Variants in CCNY observed in about 807,000 individuals in gnomAD.
The protein encoded by CCNY is cyclin Y, also known as cyclin-Y.
A neutral mutation model predicts 42.8 loss-of-function variants in CCNY; 19 were observed. That is an observed-to-expected ratio of 0.44 (90% CI 0.31 to 0.65). The LOEUF is 0.65. Ranked by LOEUF, CCNY falls within the 30% of genes least tolerant of loss-of-function variation. The pLI, the probability that CCNY is intolerant of heterozygous loss-of-function variation, is 0.07. For missense variants in CCNY, 370 were observed against 437.3 expected, an observed-to-expected ratio of 0.85 and a Z score of 1.37; for synonymous variants, 165 against 162.7, an observed-to-expected ratio of 1.01 and a Z score of -0.11.
chr10:35,254,060 G>A (rs918121473), intron 3 of CCNY, among the ~76,000 whole-genome samples: 12 of 151,906 alleles, frequency 7.9e-5, no homozygotes, highest in African/African-American at 2.2e-4. Flanking sequence ...GTATTTTTTA[G>A]TAGAGATGGG....
chr10:35,557,999 G>A lies in CCNY; in HGVS notation c.746+4814G>A, dbSNP rs932580572. On this transcript the variant is annotated intron_variant, in intron 8 of 9. Coordinates refer to ENST00000374704, the MANE Select transcript of CCNY (RefSeq NM_145012.6). ...AATTTTGAGGAGTTTTATTATAGTA[G>A]TGTCACTCAAGTCTTAAAACAGTTT... Among the ~76,000 whole-genome samples the A allele has an allele frequency of 5.6e-4, 85 of 152,262 alleles. 2 individuals carry two copies. In the South Asian group the frequency reaches 0.017, roughly 31 times the overall value.
rs1170832520 is a variant in CCNY at position 35,530,238 on chromosome 10, A to G, written c.574A>G (p.Thr192Ala). ...GCTGACGGCTGAATGTGCCATCGTC[A>G]CCCTGGTGAGTGCCCTCAGGATGGC... Reference protein sequence around the residue: ...AQLTAECAIVTLVYLERLLTY... With the variant: ...AQLTAECAIVALVYLERLLTY... Residue 192 changes from threonine (T) to alanine (A), a missense_variant, in exon 7 of 10, where the codon ACC becomes GCC. By Grantham distance (58) the Thr-to-Ala change is moderately conservative (BLOSUM62 0). Coordinates refer to ENST00000374704, the MANE Select transcript of CCNY (RefSeq NM_145012.6). This position sits in a 1 kb window ranked among gnomAD's most constrained non-coding sequence, Gnocchi z 4.3. 6.2e-7 allele frequency: 1 copy of G among 1,614,014 alleles called. No individual in the cohort carries two copies. The highest frequency in any genetic ancestry group is 2.2e-5 in the East Asian group (1 of 44,866).
chr10:35,470,154 GAC>G (rs1839361447), intron 1 of CCNY, among the ~76,000 whole-genome samples: 1 of 151,322 alleles, frequency 6.6e-6, no homozygotes, highest in Admixed American at 6.6e-5. Flanking sequence ...GCAGTGGAGA[GAC>G]AGACAGGGAG....
chr10:35,415,614 T>C (rs954805780), intron 1 of CCNY, among the ~76,000 whole-genome samples: 2 of 152,178 alleles, frequency 1.3e-5, no homozygotes, highest in Non-Finnish European at 2.9e-5. Context: ...GGAACATGTT[T>C]GTTGCTCACA....
intron 8 of CCNY, among the ~76,000 whole-genome samples, chr10:35,554,911 T>TTC (rs1841332566): frequency 1.3e-5 from 2 of 152,226 alleles, no homozygotes; most frequent in South Asian, 4.1e-4. Flanking sequence ...GTGGAGGAGA[T>TTC]GCCTTTTGTA....
At chr10:35,317,615 C>T (rs1461254325) in intron 3 of CCNY, among the ~76,000 whole-genome samples, 8 of 152,208 alleles carry the variant, frequency 5.3e-5, no homozygotes, top group Non-Finnish European at 4.4e-5. Flanking sequence ...ACTGTGACCA[C>T]GTGGCATCTC....
intron 1 of CCNY, among the ~76,000 whole-genome samples, chr10:35,396,609 A>G (rs1251047568): frequency 3.3e-5 from 5 of 152,224 alleles, no homozygotes; most frequent in Non-Finnish European, 5.9e-5. Context: ...GTGGGGAGAG[A>G]GCGCTCCAGC....
At chr10:35,439,625 G>A (rs1838621286) in intron 1 of CCNY, among the ~76,000 whole-genome samples, 1 of 150,906 alleles carries the variant, frequency 6.6e-6, no homozygotes, top group Admixed American at 6.6e-5. Context: ...CAGGTAACTT[G>A]AACATCTCTG....
At chr10:35,444,297 G>T (rs2135301503) in intron 1 of CCNY, among the ~76,000 whole-genome samples, 1 of 148,838 alleles carries the variant, frequency 6.7e-6, no homozygotes, top group Non-Finnish European at 1.5e-5. Flanking sequence ...CATCCAGGCT[G>T]GAGTGCAGTG....
intron 1 of CCNY, among the ~76,000 whole-genome samples, chr10:35,358,381 G>A (rs1209603105): frequency 6.6e-6 from 1 of 152,156 alleles, no homozygotes; most frequent in East Asian, 1.9e-4. Context: ...TGGAGCTGGA[G>A]AGAATCACAC....
chr10:35,534,954 TACACACAC>T (rs58564724), intron 7 of CCNY, among the ~76,000 whole-genome samples: 8 of 139,532 alleles, frequency 5.7e-5, no homozygotes, highest in Middle Eastern at 7.4e-3. Flanking sequence ...TGGGGATACA[TACACACAC>T]ACACACACAC....
intron 3 of CCNY, among the ~76,000 whole-genome samples, chr10:35,266,144 C>T (rs1287957454): frequency 2.0e-5 from 3 of 151,870 alleles, no homozygotes; most frequent in Admixed American, 6.6e-5. Context: ...GTGGTACAAT[C>T]TCGGCTCACT....
At chr10:35,416,667 GC>G (rs1838032110) in intron 1 of CCNY, among the ~76,000 whole-genome samples, 1 of 152,094 alleles carries the variant, frequency 6.6e-6, no homozygotes. Flanking sequence ...AAATGATGTG[GC>G]ATGATTTATT....
intron 3 of CCNY, among the ~76,000 whole-genome samples, chr10:35,290,651 T>A (rs1031204859): frequency 2.0e-5 from 3 of 152,116 alleles, no homozygotes; most frequent in African/African-American, 7.2e-5. Flanking sequence ...CCCACCATCA[T>A]CACATACAAT....
At chr10:35,363,353 C>A (rs564332126) in intron 1 of CCNY, among the ~76,000 whole-genome samples, 1 of 149,532 alleles carries the variant, frequency 6.7e-6, no homozygotes, top group African/African-American at 2.5e-5. Context: ...AGTGGGGCGG[C>A]CGGGCAGAGG....
chr10:35,474,361 AAGAC>A (rs1244811399), intron 1 of CCNY, among the ~76,000 whole-genome samples: 39 of 152,222 alleles, frequency 2.6e-4, no homozygotes, highest in Admixed American at 2.6e-3. Context: ...GACAAACAAA[AAGAC>A]AGCAGTAACC....
chr10:35,521,691 A>C (rs977832250), intron 4 of CCNY, among the ~76,000 whole-genome samples: 3 of 152,180 alleles, frequency 2.0e-5, no homozygotes, highest in African/African-American at 7.2e-5. Context: ...TAAACAAGGC[A>C]CAGGCTTTGT....
At chr10:35,390,091 A>C (rs1298053335) in intron 1 of CCNY, among the ~76,000 whole-genome samples, 6 of 152,260 alleles carry the variant, frequency 3.9e-5, no homozygotes, top group Admixed American at 2.6e-4. Context: ...TGTGAGAACT[A>C]TCAGATTATG....
At chr10:35,544,555 A>G (rs906677056) in intron 7 of CCNY, among the ~76,000 whole-genome samples, 1 of 152,218 alleles carries the variant, frequency 6.6e-6, no homozygotes, top group African/African-American at 2.4e-5. Flanking sequence ...TAAATGACGT[A>G]TGACTATACT....
Sources: gnomAD v4.1 joint callset for allele counts (sites outside exome capture counted in the v4.1 genomes callset) on GRCh38, gnomAD v4.1.1 for gene constraint, Gnocchi (gnomAD v3.1) non-coding constraint, MANE v1.5 for transcripts, NCBI Gene and HGNC (gene_info 2026-07-23, HGNC 2026-07-21) for gene names.